SCUBE1: variants seen among roughly 807,000 people sequenced by gnomAD.
The protein encoded by SCUBE1 is signal peptide, CUB and EGF-like domain-containing protein 1.
Under a neutral mutation model 124.4 loss-of-function variants are expected in SCUBE1, and 59 were observed. The observed-to-expected ratio is 0.47, with a 90% confidence interval of 0.38 to 0.59. SCUBE1 has a LOEUF of 0.59. Among genes scored for constraint, SCUBE1 ranks in the 20% least tolerant of loss-of-function variants. The probability of loss-of-function intolerance (pLI) is 0.00; values close to 1 mark genes in which losing one functional copy is unlikely to be tolerated. For synonymous variants in SCUBE1, 545 were observed against 550.9 expected (o/e 0.99, Z 0.15); for missense variants, 1,150 against 1,371.2 (o/e 0.84, Z 2.55).
intron 6 of SCUBE1, 38 bp from the exon 7 acceptor site, chr22:43,238,992 G>T: frequency 6.5e-7 from 1 of 1,529,456 alleles, no homozygotes; most frequent in Non-Finnish European, 9.0e-7. Context: ...AGTTTCCTTG[G>T]ACAGAAGCCA....
At chr22:43,320,574 G>T (rs953641055) in intron 2 of SCUBE1, among the ~76,000 whole-genome samples, 3 of 152,124 alleles carry the variant, frequency 2.0e-5, no homozygotes, top group African/African-American at 7.2e-5. Context: ...TCCCATCAGG[G>T]GTCAAAGGGC....
chr22:43,242,793 T>A (rs1290751040), intron 6 of SCUBE1, among the ~76,000 whole-genome samples: 1 of 152,196 alleles, frequency 6.6e-6, no homozygotes, highest in Non-Finnish European at 1.5e-5. Context: ...CTAGAGGCTT[T>A]CTCTCTCCAC....
rs1309202312 is a variant in SCUBE1 at position 43,211,490 on chromosome 22, G to T, written c.2222-407C>A. Among the ~76,000 whole-genome samples, 1 of 151,898 alleles carries T rather than the reference G, an allele frequency of 6.6e-6. No homozygotes were observed. Among genetic ancestry groups the T allele is most frequent in the East Asian group, 1.9e-4 (1 of 5,170 alleles). ...GACAGGCGGCCGGAGTCTGAGGGGT[G>T]CCGGGGCGGGGGGCTAGAGATGGGC... On this transcript the variant is annotated intron_variant, in intron 17 of 21. Coordinates refer to ENST00000360835, the MANE Select transcript of SCUBE1 (RefSeq NM_173050.5). The surrounding 1 kb of genome is among the most constrained non-coding windows in gnomAD (Gnocchi z 4.5).
At chr22:43,332,475 C>T (rs1006087137) in intron 2 of SCUBE1, among the ~76,000 whole-genome samples, 18 of 152,106 alleles carry the variant, frequency 1.2e-4, no homozygotes, top group Admixed American at 9.2e-4. Flanking sequence ...ACAGCTCCCT[C>T]GATCCCTCCA....
Position 43,229,303 on chromosome 22 carries a change from G to A in SCUBE1, c.968-115C>T, listed in dbSNP as rs149445242. On this transcript the variant is annotated intron_variant, in intron 8 of 21. Transcript: ENST00000360835. ...ATCTGTGGACACACAGTCCCTGGGC[G>A]CAGGCGCAGCACAGCACCGACCCAC... The A allele has an allele frequency of 8.9e-4, 671 of 757,492 alleles. 8 individuals are homozygous for A. The Middle Eastern group carries it at 0.011, about 12-fold the overall frequency. 46.9% of individuals were successfully genotyped at this position (757,492 alleles called of 1,614,324 possible). A position where few individuals can be genotyped will look rare whatever the true frequency, so the allele number is the denominator to read the frequency against.
At chr22:43,208,434 T>C (rs1296978085) in intron 19 of SCUBE1, among the ~76,000 whole-genome samples, 3 of 152,148 alleles carry the variant, frequency 2.0e-5, no homozygotes, top group Non-Finnish European at 4.4e-5. Context: ...CTGAGACCCA[T>C]CTCTGTCCCC....
In SCUBE1 at chr22:43,204,010, C is replaced by T. The variant is rs767195399; in HGVS notation, c.2954G>A (p.Arg985Gln). The change falls in exon 22 of 22, where the codon CGG becomes CAG. Residue 985 changes from arginine to glutamine, a missense_variant. Physicochemically the swap from Arg to Gln is conservative, Grantham distance 43. This residue lies in a region of SCUBE1 where 757 missense variants were observed against 840.9 expected (regional missense o/e 0.90). Transcript: ENST00000360835. ...CGCTCCCCCCGGTTATTTGTAGGGC[C>T]GCAGGAACCGAGACACTTTGGAGCG... ...LLRSKVSRFL[R>Q]PYK 5.6e-6 allele frequency: 9 copies of T among 1,614,000 alleles called. No individual in the cohort carries two copies. Among genetic ancestry groups the T allele is most frequent in the African/African-American group, 1.3e-5 (1 of 74,924 alleles).
chr22:43,267,474 G>A (rs1230771732), intron 4 of SCUBE1, among the ~76,000 whole-genome samples: 1 of 152,224 alleles, frequency 6.6e-6, no homozygotes, highest in Non-Finnish European at 1.5e-5. Flanking sequence ...TAGAAACACA[G>A]CGCTTCGGAT....
At chr22:43,294,844 G>A (rs372333414) in intron 3 of SCUBE1, among the ~76,000 whole-genome samples, 1 of 152,222 alleles carries the variant, frequency 6.6e-6, no homozygotes, top group African/African-American at 2.4e-5. Flanking sequence ...TCACACAGAG[G>A]TGAGCGTTGA....
At chr22:43,225,188 C>CA (rs1211990633) in intron 10 of SCUBE1, among the ~76,000 whole-genome samples, 4 of 149,188 alleles carry the variant, frequency 2.7e-5, no homozygotes, top group African/African-American at 1.0e-4. Context: ...CTTATCGCAT[C>CA]ACCCCCCCAC....
intron 8 of SCUBE1, 21 bp downstream of exon 8, chr22:43,231,732 C>T (rs780976837): frequency 7.7e-6 from 12 of 1,560,534 alleles, no homozygotes; most frequent in South Asian, 2.3e-5. Flanking sequence ...GAGAGCCACC[C>T]GGGGCATGGC....
rs1014282906 is a variant in SCUBE1, at chr22:43,198,021, G to A, written c.*5976C>T. 1.3e-5 allele frequency: 2 copies of A among 154,342 alleles called. No homozygotes were observed. Among genetic ancestry groups the A allele is most frequent in the African/African-American group, 2.4e-5 (1 of 41,484 alleles). 9.6% of individuals were successfully genotyped at this position (154,342 alleles called of 1,614,324 possible). ...CTACCCTTGGATTAGATGGGCTTGA[G>A]TTTGATTCCCAAATCCAGGGACTAC... On this transcript the variant is annotated 3_prime_UTR_variant, in exon 22 of 22. Transcript: ENST00000360835.
intron 4 of SCUBE1, among the ~76,000 whole-genome samples, chr22:43,264,935 T>C (rs894740943): frequency 2.0e-5 from 3 of 152,258 alleles, no homozygotes; most frequent in African/African-American, 4.8e-5. Flanking sequence ...GTGAATTTCC[T>C]AGGGCTGTCC....
chr22:43,219,828 A>G (rs1392979761), intron 14 of SCUBE1, among the ~76,000 whole-genome samples: 1 of 151,334 alleles, frequency 6.6e-6, no homozygotes, highest in Non-Finnish European at 1.5e-5. Flanking sequence ...AGTTCTATGC[A>G]TTGTTTGTTC....
intron 2 of SCUBE1, among the ~76,000 whole-genome samples, chr22:43,338,307 G>A (rs1409829833): frequency 6.6e-6 from 1 of 152,206 alleles, no homozygotes; most frequent in Non-Finnish European, 1.5e-5. Context: ...CACCCCAGGT[G>A]CAGGGCAGAA....
intron 1 of SCUBE1, among the ~76,000 whole-genome samples, chr22:43,342,237 A>T (rs1601907324): frequency 2.9e-5 from 2 of 69,912 alleles, no homozygotes; most frequent in South Asian, 4.5e-4. Flanking sequence ...CTGAAGACAG[A>T]GAGCAGGAGG....
At chr22:43,268,945 G>A (rs1247034789) in intron 4 of SCUBE1, among the ~76,000 whole-genome samples, 2 of 152,182 alleles carry the variant, frequency 1.3e-5, no homozygotes, top group Admixed American at 6.5e-5. Context: ...CTGGTAGAAC[G>A]GCAGTGGTTA....
chr22:43,223,796 T>C (rs1922198616), intron 10 of SCUBE1, among the ~76,000 whole-genome samples: 1 of 152,246 alleles, frequency 6.6e-6, no homozygotes, highest in African/African-American at 2.4e-5. Context: ...AACCGGCTTA[T>C]GTGGCACGCC....
intron 2 of SCUBE1, among the ~76,000 whole-genome samples, chr22:43,323,587 A>ATCC (rs1926627915): frequency 7.8e-6 from 1 of 128,158 alleles, no homozygotes; most frequent in Non-Finnish European, 1.7e-5. Context: ...GACCCATCCA[A>ATCC]ACATCCATCC....
Sources: gnomAD v4.1 joint callset for allele counts (sites outside exome capture counted in the v4.1 genomes callset) on GRCh38, gnomAD v4.1.1 for gene constraint, gnomAD v4.1.1 regional missense constraint, Gnocchi (gnomAD v3.1) non-coding constraint, MANE v1.5 for transcripts, NCBI Gene and HGNC (gene_info 2026-07-23, HGNC 2026-07-21) for gene names.